Variants in ACTR3 observed in about 807,000 individuals in gnomAD.
The protein encoded by ACTR3 is actin related protein 3, also known as actin-related protein 3.
In ACTR3, 12 loss-of-function variants were observed where a neutral mutation model predicts 56.8. That is an observed-to-expected ratio of 0.21 (90% CI 0.14 to 0.34). The LOEUF (loss-of-function observed/expected upper bound fraction) is 0.34. Ranked by LOEUF, ACTR3 falls within the 10% of genes least tolerant of loss-of-function variation. The probability of loss-of-function intolerance (pLI) is 1.00; values close to 1 mark genes in which losing one functional copy is unlikely to be tolerated. For synonymous variants in ACTR3, 162 were observed against 167.4 expected (o/e 0.97, Z 0.25); for missense variants, 282 against 512.5 (o/e 0.55, Z 4.34).
intron 1 of ACTR3, among the ~76,000 whole-genome samples, chr2:113,907,295 G>A (rs1157836250): frequency 2.0e-5 from 3 of 151,908 alleles, no homozygotes; most frequent in Non-Finnish European, 2.9e-5. Flanking sequence ...TTTTAAAGAC[G>A]GGGTCTTGCT....
At chr2:113,925,866 T>C (rs1453091244) in intron 3 of ACTR3, among the ~76,000 whole-genome samples, 3 of 152,222 alleles carry the variant, frequency 2.0e-5, no homozygotes, top group African/African-American at 7.2e-5. Flanking sequence ...TTGTTTAACT[T>C]TAGGTATTGA....
chr2:113,958,827 A>G lies in ACTR3; in HGVS notation c.*1372A>G, dbSNP rs1390356936. The G allele has an allele frequency of 6.6e-6, 1 of 152,044 alleles. No individual in the cohort carries two copies. Among genetic ancestry groups the G allele is most frequent in the Non-Finnish European group, 1.5e-5 (1 of 67,914 alleles). 9.4% of individuals were successfully genotyped at this position (152,044 alleles called of 1,614,324 possible). On this transcript the variant is annotated 3_prime_UTR_variant, in exon 12 of 12. Transcript: ENST00000263238. ...TTGAACTCCATTATTCATGAAAATA[A>G]CACGTTAGGATTGGAATACGTCTAT...
intron 8 of ACTR3, among the ~76,000 whole-genome samples, chr2:113,949,197 GTGAAACC>G (rs1680074493): frequency 1.3e-5 from 2 of 150,762 alleles, no homozygotes; most frequent in Non-Finnish European, 3.0e-5. Context: ...GGCCAACATG[GTGAAACC>G]CCGTCTCTAC....
chr2:113,898,453 A>C (rs1481395045), intron 1 of ACTR3, among the ~76,000 whole-genome samples: 1 of 152,124 alleles, frequency 6.6e-6, no homozygotes, highest in Non-Finnish European at 1.5e-5. Flanking sequence ...TTTTCTTGTG[A>C]GTTCACATTT....
chr2:113,916,526 C>T (rs1237590620), intron 2 of ACTR3, among the ~76,000 whole-genome samples: 1 of 152,012 alleles, frequency 6.6e-6, no homozygotes, highest in African/African-American at 2.4e-5. Flanking sequence ...TTGTGTTTTT[C>T]AGTTTTTTTC....
intron 1 of ACTR3, among the ~76,000 whole-genome samples, chr2:113,892,755 AGTTT>A (rs1354024047): frequency 6.6e-6 from 1 of 152,214 alleles, no homozygotes; most frequent in Non-Finnish European, 1.5e-5. Flanking sequence ...TTACTCACTT[AGTTT>A]AAGTAAAAAG....
chr2:113,903,597 G>A (rs1049655420), intron 1 of ACTR3, among the ~76,000 whole-genome samples: 2 of 150,120 alleles, frequency 1.3e-5, no homozygotes, highest in Admixed American at 1.3e-4. Flanking sequence ...GTGCAGTAGC[G>A]CGATCTCGGC....
chr2:113,931,002 T>A (rs886160356), intron 4 of ACTR3, among the ~76,000 whole-genome samples: 1 of 152,122 alleles, frequency 6.6e-6, no homozygotes, highest in Non-Finnish European at 1.5e-5. Context: ...TTTCCCTACC[T>A]CCAACCCTCT....
At position 113,890,223 on chromosome 2, in the gene ACTR3, T is replaced by G. The variant is rs1435776758; in HGVS notation, c.-57T>G. Reference sequence around the variant, plus strand: ...GCCCTTGTCTCCCGCCGCCAATCTCTGGCCCCTAGCAGCACGGAGCAGACG... The same window carrying G: ...GCCCTTGTCTCCCGCCGCCAATCTCGGGCCCCTAGCAGCACGGAGCAGACG... On this transcript the variant is annotated 5_prime_UTR_variant, in exon 1 of 12. Coordinates refer to ENST00000263238, the MANE Select transcript of ACTR3 (RefSeq NM_005721.5). 1.9e-6 allele frequency: 3 copies of G among 1,549,788 alleles called. No individual in the cohort carries two copies. The highest frequency in any genetic ancestry group is 2.6e-6 in the Non-Finnish European group (3 of 1,145,940).
intron 8 of ACTR3, among the ~76,000 whole-genome samples, chr2:113,948,121 T>G (rs1471548898): frequency 2.6e-5 from 4 of 152,202 alleles, no homozygotes; most frequent in African/African-American, 7.2e-5. Context: ...TATGAATTGC[T>G]TGGTTATATT....
intron 1 of ACTR3, among the ~76,000 whole-genome samples, chr2:113,908,993 T>G (rs1035250495): frequency 2.6e-5 from 4 of 152,156 alleles, no homozygotes; most frequent in African/African-American, 9.7e-5. Context: ...GTGAAAATAT[T>G]GTTGTCTATG....
intron 1 of ACTR3, chr2:113,890,544 A>C: frequency 2.9e-6 from 4 of 1,364,258 alleles, no homozygotes; most frequent in Non-Finnish European, 3.8e-6. Context: ...CCGAGATTCA[A>C]CCCCCAACCC....
chr2:113,916,321 T>C (rs534383700), intron 2 of ACTR3, among the ~76,000 whole-genome samples: 125 of 152,258 alleles, frequency 8.2e-4, no homozygotes, highest in Middle Eastern at 3.4e-3. Context: ...TTTAAGGATA[T>C]TGTTGTGGGT....
At chr2:113,953,191 A>T (rs1218171180) in intron 10 of ACTR3, 1 of 152,224 alleles carries the variant, frequency 6.6e-6, no homozygotes, top group Non-Finnish European at 1.5e-5. Flanking sequence ...GAGATTGTTT[A>T]ACATTTTTAA....
intron 8 of ACTR3, among the ~76,000 whole-genome samples, chr2:113,943,262 T>C (rs1679957303): frequency 6.6e-6 from 1 of 152,176 alleles, no homozygotes; most frequent in South Asian, 2.1e-4. Flanking sequence ...GTCAGTCATG[T>C]GTGGTAGGGG....
intron 3 of ACTR3, among the ~76,000 whole-genome samples, chr2:113,918,368 G>A (rs894442972): frequency 2.7e-5 from 4 of 150,228 alleles, no homozygotes; most frequent in Non-Finnish European, 4.4e-5. Context: ...AGTACTTGAA[G>A]ATTTTTTTCT....
chr2:113,949,674 T>C (rs1680087672), intron 8 of ACTR3, among the ~76,000 whole-genome samples: 1 of 152,052 alleles, frequency 6.6e-6, no homozygotes, highest in Non-Finnish European at 1.5e-5. Flanking sequence ...CAATCCTTTT[T>C]CCTCAGCCCT....
intron 8 of ACTR3, among the ~76,000 whole-genome samples, chr2:113,946,646 C>T (rs1042057883): frequency 4.6e-5 from 7 of 152,038 alleles, no homozygotes; most frequent in African/African-American, 1.4e-4. Flanking sequence ...TTCTCCCATT[C>T]TGTAGGTTGT....
chr2:113,910,218 G>T (rs1427651215), intron 1 of ACTR3, among the ~76,000 whole-genome samples: 1 of 151,994 alleles, frequency 6.6e-6, no homozygotes, highest in African/African-American at 2.4e-5. Flanking sequence ...AATCAATCCT[G>T]TCTATGCACT....
Sources: gnomAD v4.1 joint callset for allele counts (sites outside exome capture counted in the v4.1 genomes callset) on GRCh38, gnomAD v4.1.1 for gene constraint, MANE v1.5 for transcripts, NCBI Gene and HGNC (gene_info 2026-07-23, HGNC 2026-07-21) for gene names.